ZFPM2: variants seen among roughly 807,000 people sequenced by gnomAD.
ZFPM2 encodes the protein zinc finger protein, FOG family member 2.
ZFPM2 carries 20 observed loss-of-function variants against 98.6 expected under a neutral mutation model. The ratio of observed to expected loss-of-function variants is 0.20; its 90% CI spans 0.14 to 0.29. The LOEUF is 0.29. Among genes scored for constraint, ZFPM2 ranks in the 10% least tolerant of loss-of-function variants. ZFPM2 has a pLI of 1.00. For synonymous variants in ZFPM2, 518 were observed against 502.7 expected, an observed-to-expected ratio of 1.03 and a Z score of -0.41; for missense variants, 1,310 against 1,388.6, an observed-to-expected ratio of 0.94 and a Z score of 0.90.
At chr8:105,443,366 G>A (rs1812306076) in intron 2 of ZFPM2, among the ~76,000 whole-genome samples, 1 of 147,972 alleles carries the variant, frequency 6.8e-6, no homozygotes, top group Non-Finnish European at 1.5e-5. Context: ...TCAAGGCATA[G>A]TTGCTGTGAT....
At chr8:105,520,542 A>G (rs1483354530) in intron 3 of ZFPM2, among the ~76,000 whole-genome samples, 1 of 152,166 alleles carries the variant, frequency 6.6e-6, no homozygotes, top group African/African-American at 2.4e-5. Flanking sequence ...ACACGCTCAC[A>G]CACATATTTA....
chr8:105,427,608 A>G (rs148163638), intron 2 of ZFPM2, among the ~76,000 whole-genome samples: 151 of 152,290 alleles, frequency 9.9e-4, no homozygotes, highest in African/African-American at 3.6e-3. Context: ...TTGCCCACCC[A>G]TTACCTGATG....
chr8:105,465,474 ATTGT>A (rs1249098063), intron 3 of ZFPM2, among the ~76,000 whole-genome samples: 2 of 151,962 alleles, frequency 1.3e-5, no homozygotes, highest in Non-Finnish European at 2.9e-5. Flanking sequence ...TAAAAATGAA[ATTGT>A]TTATTATTTT....
At chr8:105,567,436 G>A (rs1311998619) in intron 4 of ZFPM2, among the ~76,000 whole-genome samples, 1 of 151,536 alleles carries the variant, frequency 6.6e-6, no homozygotes, top group Non-Finnish European at 1.5e-5. Context: ...GATATAAGAT[G>A]TGTTCTATAT....
chr8:105,403,849 A>G (rs763784006), intron 1 of ZFPM2, among the ~76,000 whole-genome samples: 1 of 152,042 alleles, frequency 6.6e-6, no homozygotes, highest in Admixed American at 6.6e-5. Context: ...CCAGGCACAG[A>G]TAGATACTCA....
In ZFPM2 at chr8:105,803,185, T is replaced by C; in HGVS notation, c.3103T>C (p.Leu1035=). ...AALKKDSLPL[L]PKNRGMVIVN... is the part of the protein sequence containing the mutation. The stretch of plus-strand genomic sequence containing the variant: ...GCTGAAGAAAGATTCTCTGCCATTG[T>C]TGCCCAAAAATCGAGGAATGGTAAT... The change falls in exon 8 of 8, where the codon TTG becomes CTG. Residue 1035 remains leucine, a synonymous_variant. Coordinates refer to ENST00000407775, the MANE Select transcript of ZFPM2 (RefSeq NM_012082.4). 1 of 1,613,744 alleles carries C rather than the reference T, an allele frequency of 6.2e-7. No homozygotes were observed.
intron 4 of ZFPM2, among the ~76,000 whole-genome samples, chr8:105,604,774 C>T (rs1165558475): frequency 6.6e-6 from 1 of 152,056 alleles, no homozygotes; most frequent in East Asian, 1.9e-4. Context: ...CGAACTTAAA[C>T]AGATCAAGCA....
At chr8:105,568,134 C>T (rs566032605) in intron 4 of ZFPM2, among the ~76,000 whole-genome samples, 144 of 152,162 alleles carry the variant, frequency 9.5e-4, no homozygotes, top group African/African-American at 3.3e-3. Context: ...GCTTCAGCTA[C>T]TAATTTACAA....
chr8:105,573,503 T>C (rs1386467396), intron 4 of ZFPM2, among the ~76,000 whole-genome samples: 1 of 152,210 alleles, frequency 6.6e-6, no homozygotes, highest in Non-Finnish European at 1.5e-5. Context: ...CAAAACTGTA[T>C]GCTATACAGC....
intron 3 of ZFPM2, among the ~76,000 whole-genome samples, chr8:105,446,549 A>T (rs1377430677): frequency 1.3e-5 from 2 of 152,180 alleles, no homozygotes; most frequent in Admixed American, 1.3e-4. Flanking sequence ...GAGAAAGTGA[A>T]CAAGGTGAAG....
intron 3 of ZFPM2, among the ~76,000 whole-genome samples, chr8:105,543,033 T>C (rs889001352): frequency 2.0e-5 from 3 of 152,162 alleles, no homozygotes; most frequent in Non-Finnish European, 1.5e-5. Context: ...TACTTGCTGT[T>C]TAAAGTGAAC....
chr8:105,528,789 A>G (rs1586438122), intron 3 of ZFPM2: 3 of 152,178 alleles, frequency 2.0e-5, no homozygotes, highest in South Asian at 2.1e-4. Flanking sequence ...TGGAGATTCA[A>G]ACTCTCACAT....
At chr8:105,392,543 G>T (rs1811129969) in intron 1 of ZFPM2, among the ~76,000 whole-genome samples, 1 of 152,086 alleles carries the variant, frequency 6.6e-6, no homozygotes, top group African/African-American at 2.4e-5. Flanking sequence ...TAACAAATTT[G>T]CTAAGTGTCC....
At chr8:105,437,584 T>G (rs1357900883) in intron 2 of ZFPM2, among the ~76,000 whole-genome samples, 1 of 152,210 alleles carries the variant, frequency 6.6e-6, no homozygotes, top group Non-Finnish European at 1.5e-5. Flanking sequence ...GAAGTACTTT[T>G]CAAACTCTTT....
intron 3 of ZFPM2, among the ~76,000 whole-genome samples, chr8:105,503,279 G>A (rs1171681218): frequency 6.6e-6 from 1 of 152,118 alleles, no homozygotes; most frequent in Non-Finnish European, 1.5e-5. Flanking sequence ...GGTAGAAGAG[G>A]GCTTTTATAT....
chr8:105,625,943 G>T (rs1461700604), intron 4 of ZFPM2, among the ~76,000 whole-genome samples: 2 of 147,958 alleles, frequency 1.4e-5, no homozygotes, highest in Admixed American at 1.4e-4. Flanking sequence ...TTTTGTTTAT[G>T]TAGTTTAAAA....
chr8:105,568,357 C>T (rs1815282757), intron 4 of ZFPM2, among the ~76,000 whole-genome samples: 1 of 151,450 alleles, frequency 6.6e-6, no homozygotes, highest in Non-Finnish European at 1.5e-5. Context: ...TTTCGTACCT[C>T]TGCAGGGAGT....
At chr8:105,744,310 C>G (rs1195016672) in intron 5 of ZFPM2, among the ~76,000 whole-genome samples, 1 of 152,100 alleles carries the variant, frequency 6.6e-6, no homozygotes, top group African/African-American at 2.4e-5. Flanking sequence ...AGTTAAGCAG[C>G]ACTCCTTCCC....
At chr8:105,481,840 G>A (rs147440649) in intron 3 of ZFPM2, among the ~76,000 whole-genome samples, 1 of 152,198 alleles carries the variant, frequency 6.6e-6, no homozygotes, top group African/African-American at 2.4e-5. Flanking sequence ...TAACTCGATA[G>A]TGTGTGTTGG....
Sources: allele counts gnomAD v4.1 joint callset (sites outside exome capture counted in the v4.1 genomes callset), GRCh38; gene constraint gnomAD v4.1.1; transcripts MANE v1.5; gene names NCBI Gene and HGNC (gene_info 2026-07-23, HGNC 2026-07-21).